MLH3: variants seen among roughly 807,000 people sequenced by gnomAD.
MLH3 encodes the protein DNA mismatch repair protein Mlh3.
A neutral mutation model predicts 122.2 loss-of-function variants in MLH3; 82 were observed. That is an observed-to-expected ratio of 0.67 (90% CI 0.56 to 0.81). The LOEUF (loss-of-function observed/expected upper bound fraction) is 0.81, where lower values mean the gene tolerates loss of function less well. MLH3 is among the 30% of genes least tolerant of loss of function. The probability of loss-of-function intolerance (pLI) is 0.00; values close to 1 mark genes in which losing one functional copy is unlikely to be tolerated. For missense variants in MLH3, 1,539 were observed against 1,714.5 expected, an observed-to-expected ratio of 0.90 and a Z score of 1.81; for synonymous variants, 524 against 599.5, an observed-to-expected ratio of 0.87 and a Z score of 1.84.
At chr14:75,050,935 C>A (rs1447942336) in intron 1 of MLH3, 1 of 152,296 alleles carries the variant, frequency 6.6e-6, no homozygotes, top group Non-Finnish European at 1.5e-5. Flanking sequence ...GGCGGTGGGG[C>A]CGGTTTTCCA....
At position 75,046,692 on chromosome 14, in the gene MLH3, G is replaced by C. The variant is rs201936675; in HGVS notation, c.2964C>G (p.Ile988Met). 23 of 1,614,096 alleles carry C rather than the reference G, an allele frequency of 1.4e-5. No homozygotes were observed. In the East Asian group the frequency reaches 3.8e-4, roughly 27 times the overall value. ...TTCCTATCTGTTGTTCTGAGGCTCT[G>C]ATAAGAACATCTGAATCTTTACCGG... ...KVTGKDSDVLIRASEQQIGSL... is the reference protein window; with the variant it reads ...KVTGKDSDVLMRASEQQIGSL... Residue 988 changes from isoleucine to methionine, a missense_variant, in exon 2 of 13, where the codon ATC becomes ATG. Ile to Met is a conservative substitution (Grantham distance 10). Transcript: ENST00000355774.
intron 6 of MLH3, 128 bp from the exon 7 acceptor site, chr14:75,033,618 A>G (rs983272365): frequency 1.7e-5 from 12 of 719,496 alleles, no homozygotes; most frequent in Non-Finnish European, 3.0e-5. Context: ...CTGAGGAGTA[A>G]CAATTGTATC....
chr14:75,039,320 G>A (rs1891646645), intron 5 of MLH3, among the ~76,000 whole-genome samples: 1 of 152,102 alleles, frequency 6.6e-6, no homozygotes, highest in Admixed American at 6.5e-5. Context: ...CCAGGTCAAT[G>A]CCAGGTTAGG....
chr14:75,030,919 T>C (rs1891008042), intron 8 of MLH3, among the ~76,000 whole-genome samples: 2 of 152,232 alleles, frequency 1.3e-5, no homozygotes, highest in Non-Finnish European at 2.9e-5. Flanking sequence ...CTCTTTTCCA[T>C]TGGGAATCAA....
In MLH3 at chr14:75,047,226, C is replaced by G; in HGVS notation, c.2430G>C (p.Glu810Asp). The G allele has an allele frequency of 6.2e-7, 1 of 1,613,996 alleles. No homozygotes were observed. Residue 810 changes from glutamate (E) to aspartate (D), a missense_variant, in exon 2 of 13, where the codon GAG (glutamate) becomes GAC (aspartate). Transcript: ENST00000355774. Reference sequence around the variant, plus strand: ...GACAACTACTATCTGAATCACTATGCTCCATAGTAGTGATTTTACAAACAT... The same window carrying G: ...GACAACTACTATCTGAATCACTATGGTCCATAGTAGTGATTTTACAAACAT... ...NSDVCKITTMEHSDSDSSCQP... is the reference protein window; with the variant it reads ...NSDVCKITTMDHSDSDSSCQP...
chr14:75,039,971 A>G lies in MLH3; in HGVS notation c.3510T>C (p.Val1170=), dbSNP rs1186621794. The G allele has an allele frequency of 1.2e-6, 2 of 1,601,228 alleles. No homozygotes were observed. The highest frequency in any genetic ancestry group is 1.3e-5 in the African/African-American group (1 of 74,106). ...AGGGATACAAGATGTTGTGAATTTT[A>G]ACTGCTAAGCTCTCAGCCTGGCCAC... The part of the protein sequence containing the change: ...VSSGQAESLA[V]KIHNILYPYR... The change falls in exon 5 of 13, where the codon GTT becomes GTC. Residue 1170 remains valine (V), a synonymous_variant. Coordinates refer to ENST00000355774, the MANE Select transcript of MLH3 (RefSeq NM_001040108.2).
intron 9 of MLH3, among the ~76,000 whole-genome samples, chr14:75,024,475 A>T (rs934848459): frequency 6.6e-6 from 1 of 151,380 alleles, no homozygotes; most frequent in Non-Finnish European, 1.5e-5. Context: ...TGCTGGGATT[A>T]CAGTTGTGAG....
intron 9 of MLH3, 45 bp downstream of exon 9, chr14:75,030,498 T>C: frequency 1.3e-6 from 2 of 1,579,322 alleles, no homozygotes; most frequent in South Asian, 2.2e-5. Flanking sequence ...AATATGAGGT[T>C]ACCATCACTC....
rs1400890674 is a variant in MLH3, at chr14:75,038,261, T to C, written c.3643+79A>G. On this transcript the variant is annotated intron_variant, in intron 6 of 12. Coordinates refer to ENST00000355774, the MANE Select transcript of MLH3 (RefSeq NM_001040108.2). ...TCCATCCAAATCATTGAAACTATAT[T>C]ATATACCAAAAATAATCATTAAAAA... The C allele has an allele frequency of 1.7e-5, 17 of 982,540 alleles. No individual in the cohort carries two copies. In the East Asian group the frequency reaches 4.1e-4, roughly 24 times the overall value. The allele number at this position is 982,540 out of a possible 1,614,324, so 60.9% of individuals were successfully genotyped here.
intron 7 of MLH3, among the ~76,000 whole-genome samples, chr14:75,032,464 T>G (rs1332042249): frequency 1.3e-5 from 2 of 152,092 alleles, no homozygotes; most frequent in East Asian, 3.8e-4. Context: ...ATGACAGAGG[T>G]GAATAATGTG....
At chr14:75,028,126 A>G (rs1890783454) in intron 9 of MLH3, among the ~76,000 whole-genome samples, 2 of 152,154 alleles carry the variant, frequency 1.3e-5, no homozygotes, top group South Asian at 2.1e-4. Flanking sequence ...AAAGAAACAT[A>G]TAAGTAATCA....
In MLH3 at chr14:75,041,690, A is replaced by T; in HGVS notation, c.3390T>A (p.Asp1130Glu). Residue 1130 changes from aspartate to glutamate, a missense_variant, in exon 4 of 13, where the codon GAT becomes GAA. Physicochemically the swap from Asp to Glu is conservative, Grantham distance 45. Coordinates refer to ENST00000355774, the MANE Select transcript of MLH3 (RefSeq NM_001040108.2). ...GAAGCGATTCGCTACTAACAGTATC[A>T]TCCACAGTATCTAGGGCAAAAGGGA... ...VMRQDNRDTV[D>E]DTVSSESLQS... 6.2e-7 allele frequency: 1 copy of T among 1,613,330 alleles called. No homozygotes were observed. The highest frequency in any genetic ancestry group is 8.5e-7 in the Non-Finnish European group (1 of 1,179,192).
intron 2 of MLH3, 129 bp downstream of exon 2, chr14:75,046,247 A>G: frequency 1.1e-6 from 1 of 922,808 alleles, no homozygotes; most frequent in Admixed American, 2.0e-5. Context: ...AATACAACAT[A>G]TGTTTTATAA....
chr14:75,030,795 A>G (rs1349741268), intron 8 of MLH3, 93 bp from the exon 9 acceptor site: 2 of 1,093,880 alleles, frequency 1.8e-6, no homozygotes, highest in South Asian at 2.7e-5. Context: ...TAGTTTTTCA[A>G]AAGCTGCCAC....
rs2139546755 is a variant in MLH3, at chr14:75,046,504, G to A, written c.3152C>T (p.Ala1051Val). Residue 1051 changes from alanine (A) to valine (V), a missense_variant, in exon 2 of 13, where the codon GCC becomes GTC. By Grantham distance (64) the Ala-to-Val change is moderately conservative (BLOSUM62 0). Coordinates refer to ENST00000355774, the MANE Select transcript of MLH3 (RefSeq NM_001040108.2). The stretch of plus-strand genomic sequence containing the variant: ...GTTGACATAAACCATTCTTCCCAGG[G>A]CTACATCGAAATGCCGCTGCCAATC... ...CSDWQRHFDVALGRMVYVNKM... is the reference protein window; with the variant it reads ...CSDWQRHFDVVLGRMVYVNKM... 1 of 1,614,164 alleles carries A rather than the reference G, an allele frequency of 6.2e-7. No individual in the cohort carries two copies. The highest frequency in any genetic ancestry group is 2.2e-5 in the East Asian group (1 of 44,882).
intron 9 of MLH3, among the ~76,000 whole-genome samples, chr14:75,028,416 ATT>A (rs34129769): frequency 8.8e-4 from 113 of 128,104 alleles, no homozygotes; most frequent in South Asian, 1.0e-3. Flanking sequence ...TTTCCCCCCA[ATT>A]TTTTTTTTTT....
rs576873876 is a variant in MLH3 at position 75,034,874 on chromosome 14, C to T, written c.3644-1384G>A. Reference sequence around the variant, plus strand: ...AGGTCAGGAATTCAAGATCAGCTGACCAACATGGTGAAACCCTGTCTCTAC... The same window carrying T: ...AGGTCAGGAATTCAAGATCAGCTGATCAACATGGTGAAACCCTGTCTCTAC... On this transcript the variant is annotated intron_variant, in intron 6 of 12. Transcript: ENST00000355774. 1.3e-3 allele frequency among the ~76,000 whole-genome samples: 196 copies of T among 151,824 alleles called. 1 individual carries two copies. Among genetic ancestry groups the T allele is most frequent in the Admixed American group, 5.8e-3 (88 of 15,250 alleles).
At chr14:75,021,762 C>T (rs940688362) in intron 11 of MLH3, among the ~76,000 whole-genome samples, 1 of 152,180 alleles carries the variant, frequency 6.6e-6, no homozygotes, top group Non-Finnish European at 1.5e-5. Flanking sequence ...CTGTGGAAAA[C>T]AGTTTAGAGA....
chr14:75,046,179 CAA>C (rs138141680), intron 2 of MLH3, among the ~76,000 whole-genome samples, 195 bp downstream of exon 2: 15 of 53,760 alleles, frequency 2.8e-4, no homozygotes, highest in Non-Finnish European at 2.0e-4. Flanking sequence ...GACTCCGTCT[CAA>C]AAAAAAAAAA....
Sources: gnomAD v4.1 joint callset for allele counts (sites outside exome capture counted in the v4.1 genomes callset) on GRCh38, gnomAD v4.1.1 for gene constraint, MANE v1.5 for transcripts, NCBI Gene and HGNC (gene_info 2026-07-23, HGNC 2026-07-21) for gene names.